Variants in EFNA5 observed in about 807,000 individuals in gnomAD.
The protein encoded by EFNA5 is ephrin-A5.
In EFNA5, 5 loss-of-function variants were observed where a neutral mutation model predicts 22.9. That is an observed-to-expected ratio of 0.22 (90% CI 0.11 to 0.46). The LOEUF (loss-of-function observed/expected upper bound fraction) is 0.46, where lower values mean the gene tolerates loss of function less well. Among genes scored for constraint, EFNA5 ranks in the 20% least tolerant of loss-of-function variants. The pLI is 0.99. For missense variants in EFNA5, 237 were observed against 293.3 expected (o/e 0.81, Z 1.40); for synonymous variants, 113 against 112.2 (o/e 1.01, Z -0.04).
At chr5:107,605,482 TA>T (rs1342864364) in intron 1 of EFNA5, among the ~76,000 whole-genome samples, 1 of 152,016 alleles carries the variant, frequency 6.6e-6, no homozygotes, top group Non-Finnish European at 1.5e-5. Context: ...ATAGGAGCAA[TA>T]AACCTGAGCT....
intron 1 of EFNA5, among the ~76,000 whole-genome samples, chr5:107,638,142 C>T (rs1463389135): frequency 2.6e-5 from 4 of 152,060 alleles, no homozygotes; most frequent in African/African-American, 9.7e-5. Flanking sequence ...CTTGAGCCAT[C>T]GTGCCCGGCC....
intron 1 of EFNA5, among the ~76,000 whole-genome samples, chr5:107,581,774 A>G (rs12153493): frequency 0.27 from 41,273 of 152,130 alleles, 5,924 homozygotes; most frequent in Middle Eastern, 0.36. Context: ...CAAGGAAAAC[A>G]GATCCTTTTA....
At chr5:107,536,374 A>G (rs1165999483) in intron 1 of EFNA5, among the ~76,000 whole-genome samples, 1 of 152,240 alleles carries the variant, frequency 6.6e-6, no homozygotes, top group African/African-American at 2.4e-5. Context: ...CAGGTGATTA[A>G]CATATAACTA....
intron 4 of EFNA5, among the ~76,000 whole-genome samples, chr5:107,383,476 C>A (rs1307831044): frequency 6.6e-5 from 10 of 152,172 alleles, no homozygotes; most frequent in East Asian, 1.9e-4. Flanking sequence ...TTCTTAAGAG[C>A]ACCAATATGT....
intron 1 of EFNA5, among the ~76,000 whole-genome samples, chr5:107,631,587 T>C (rs1750253381): frequency 6.6e-6 from 1 of 152,130 alleles, no homozygotes; most frequent in African/African-American, 2.4e-5. Flanking sequence ...AAATAAGTAA[T>C]TTCTTTATAT....
chr5:107,479,582 T>C (rs940416963), intron 1 of EFNA5, among the ~76,000 whole-genome samples: 7 of 152,208 alleles, frequency 4.6e-5, no homozygotes, highest in African/African-American at 1.7e-4. Context: ...TCATTGCCAC[T>C]GGTGTTCATG....
At chr5:107,518,581 C>CA (rs11376049) in intron 1 of EFNA5, among the ~76,000 whole-genome samples, 89,860 of 147,312 alleles carry the variant, frequency 0.61, 27,266 homozygotes, top group East Asian at 0.89. Flanking sequence ...TACACCATGC[C>CA]AAAAAAAAAA....
chr5:107,543,212 G>A (rs1748081941), intron 1 of EFNA5, among the ~76,000 whole-genome samples: 1 of 152,126 alleles, frequency 6.6e-6, no homozygotes, highest in African/African-American at 2.4e-5. Context: ...CACTCCGACA[G>A]GAGCTAAATT....
chr5:107,468,663 C>G (rs1415919493), intron 1 of EFNA5, among the ~76,000 whole-genome samples: 4 of 152,168 alleles, frequency 2.6e-5, no homozygotes. Context: ...TGGCACTCTA[C>G]CAGCTTTCAC....
chr5:107,577,271 C>G (rs997260243), intron 1 of EFNA5, among the ~76,000 whole-genome samples: 1 of 151,912 alleles, frequency 6.6e-6, no homozygotes, highest in African/African-American at 2.4e-5. Flanking sequence ...TGCTTGGGAA[C>G]GTAGCCTGGG....
At chr5:107,546,976 T>C (rs915449297) in intron 1 of EFNA5, among the ~76,000 whole-genome samples, 9 of 152,174 alleles carry the variant, frequency 5.9e-5, no homozygotes, top group Non-Finnish European at 8.8e-5. Context: ...CAGGGCACTA[T>C]ATATATTCCT....
At chr5:107,632,963 T>G (rs991808030) in intron 1 of EFNA5, among the ~76,000 whole-genome samples, 44 of 152,214 alleles carry the variant, frequency 2.9e-4, no homozygotes, top group African/African-American at 1.1e-3. Flanking sequence ...TTTCTATGCC[T>G]TTAATCTGCA....
chr5:107,627,406 T>C (rs1750164258), intron 1 of EFNA5, among the ~76,000 whole-genome samples: 1 of 152,198 alleles, frequency 6.6e-6, no homozygotes, highest in Admixed American at 6.5e-5. Context: ...AACTACTGCC[T>C]GGTCATTTAC....
At chr5:107,512,608 T>C (rs1188604327) in intron 1 of EFNA5, among the ~76,000 whole-genome samples, 3 of 152,102 alleles carry the variant, frequency 2.0e-5, no homozygotes, top group Non-Finnish European at 4.4e-5. Context: ...AGCAATGAGA[T>C]AAAGTTTTGC....
intron 1 of EFNA5, among the ~76,000 whole-genome samples, chr5:107,521,698 C>T (rs1747603837): frequency 6.6e-6 from 1 of 151,992 alleles, no homozygotes; most frequent in Admixed American, 6.6e-5. Context: ...CTGCATATCG[C>T]CAGCCTGGGA....
chr5:107,458,728 C>G (rs1749758531), intron 1 of EFNA5, among the ~76,000 whole-genome samples: 1 of 152,176 alleles, frequency 6.6e-6, no homozygotes, highest in Non-Finnish European at 1.5e-5. Flanking sequence ...GAACCGCTGT[C>G]TATCTCACAA....
intron 1 of EFNA5, among the ~76,000 whole-genome samples, chr5:107,470,290 G>C (rs1051348530): frequency 6.6e-6 from 1 of 152,180 alleles, no homozygotes; most frequent in African/African-American, 2.4e-5. Flanking sequence ...CTCAGATCCT[G>C]ATAGGGCTTA....
chr5:107,471,444 T>C (rs1025328126), intron 1 of EFNA5, among the ~76,000 whole-genome samples: 1 of 152,190 alleles, frequency 6.6e-6, no homozygotes, highest in African/African-American at 2.4e-5. Context: ...ATGTGTGCAG[T>C]TACAGAGATT....
At position 107,594,766 on chromosome 5, in the gene EFNA5, CCT is replaced by C. The variant is rs550924636; in HGVS notation, c.125+75721_125+75722del. 1.8e-4 allele frequency among the ~76,000 whole-genome samples: 28 copies of C among 152,308 alleles called. No individual in the cohort carries two copies. In the South Asian group the frequency reaches 5.4e-3, roughly 29 times the overall value. ...TATAGGCCTGGGGAAATGGGAGCCC[CCT>C]GTTTTACCCCGTATGCACTGACCAG... On this transcript the variant is annotated intron_variant, in intron 1 of 4. Coordinates refer to ENST00000333274, the MANE Select transcript of EFNA5 (RefSeq NM_001962.3).
Sources: gnomAD v4.1 joint callset for allele counts (sites outside exome capture counted in the v4.1 genomes callset) on GRCh38, gnomAD v4.1.1 for gene constraint, MANE v1.5 for transcripts, NCBI Gene and HGNC (gene_info 2026-07-23, HGNC 2026-07-21) for gene names.